CDH22: variants seen among roughly 807,000 people sequenced by gnomAD.
CDH22 encodes the protein cadherin-22.
Under a neutral mutation model 58.4 loss-of-function variants are expected in CDH22, and 30 were observed. The ratio of observed to expected loss-of-function variants is 0.51; its 90% CI spans 0.38 to 0.70. The LOEUF is 0.70. Ranked by LOEUF, CDH22 falls within the 30% of genes least tolerant of loss-of-function variation. CDH22 has a pLI of 0.00. For synonymous variants in CDH22, 513 were observed against 558.2 expected, an observed-to-expected ratio of 0.92 and a Z score of 1.14; for missense variants, 1,014 against 1,233.9, an observed-to-expected ratio of 0.82 and a Z score of 2.67.
chr20:46,237,607 C>A (rs2086262359), intron 3 of CDH22, among the ~76,000 whole-genome samples: 1 of 152,194 alleles, frequency 6.6e-6, no homozygotes, highest in African/African-American at 2.4e-5. Flanking sequence ...CTCCCTTCCC[C>A]CTCCTTGGTT....
intron 4 of CDH22, among the ~76,000 whole-genome samples, chr20:46,225,939 C>A (rs1019899610): frequency 2.6e-5 from 4 of 152,082 alleles, no homozygotes; most frequent in Non-Finnish European, 5.9e-5. Flanking sequence ...CCTTCTCCCC[C>A]AGACAAAGGA....
intron 1 of CDH22, among the ~76,000 whole-genome samples, chr20:46,297,013 G>A (rs2086631902): frequency 6.6e-6 from 1 of 152,122 alleles, no homozygotes; most frequent in Non-Finnish European, 1.5e-5. Context: ...GGGTCTTATG[G>A]TCCCAAATCC....
intron 2 of CDH22, among the ~76,000 whole-genome samples, chr20:46,245,858 C>T (rs117836551): frequency 1.2e-3 from 190 of 152,230 alleles, no homozygotes; most frequent in Non-Finnish European, 2.3e-3. Flanking sequence ...CTCTCCCCGT[C>T]GTGTAGATGG....
chr20:46,237,336 C>T (rs1600710945), intron 3 of CDH22, among the ~76,000 whole-genome samples: 1 of 152,180 alleles, frequency 6.6e-6, no homozygotes, highest in African/African-American at 2.4e-5. Context: ...CACTTCCCTT[C>T]CCTTTTAAGC....
At position 46,245,762 on chromosome 20, in the gene CDH22, G is replaced by A. The variant is rs187545984; in HGVS notation, c.256-4505C>T. Among the ~76,000 whole-genome samples, 5 of 152,278 alleles carry A rather than the reference G, an allele frequency of 3.3e-5. No homozygotes were observed. The East Asian group carries it at 5.8e-4, about 18-fold the overall frequency. On this transcript the variant is annotated intron_variant, in intron 2 of 11. Coordinates refer to ENST00000537909, the MANE Select transcript of CDH22 (RefSeq NM_021248.3). ...AAATCCCAGGTACAGATGGACAGTC[G>A]CTGGGAACCTGAAACACTCCAGGCA...
intron 4 of CDH22, among the ~76,000 whole-genome samples, chr20:46,223,820 TCC>T (rs1349159753): frequency 0.26 from 1,300 of 4,960 alleles, 25 homozygotes; most frequent in Admixed American, 0.35. Flanking sequence ...CTTCCTTTCT[TCC>T]TTCCTTCCTT....
intron 1 of CDH22, among the ~76,000 whole-genome samples, chr20:46,271,246 A>G (rs997583576): frequency 1.6e-4 from 24 of 152,298 alleles, no homozygotes; most frequent in Non-Finnish European, 3.1e-4. Context: ...AAACACATCC[A>G]TGTCCATCCT....
At chr20:46,243,405 G>A (rs1026488735) in intron 2 of CDH22, among the ~76,000 whole-genome samples, 9 of 152,218 alleles carry the variant, frequency 5.9e-5, no homozygotes, top group South Asian at 2.1e-4. Flanking sequence ...AAATGGAGGC[G>A]TCTGGTGGAA....
intron 3 of CDH22, among the ~76,000 whole-genome samples, chr20:46,239,194 G>T (rs1021797531): frequency 6.6e-6 from 1 of 152,232 alleles, no homozygotes; most frequent in African/African-American, 2.4e-5. Flanking sequence ...TTTCACTGCT[G>T]TGTTCCCAGG....
intron 7 of CDH22, among the ~76,000 whole-genome samples, chr20:46,201,657 A>G (rs2085962214): frequency 6.6e-6 from 1 of 152,192 alleles, no homozygotes; most frequent in Non-Finnish European, 1.5e-5. Context: ...CCTGGAGGTG[A>G]ATGCCTATGG....
chr20:46,295,016 A>G (rs1372832910), intron 1 of CDH22, among the ~76,000 whole-genome samples: 1 of 151,956 alleles, frequency 6.6e-6, no homozygotes, highest in Non-Finnish European at 1.5e-5. Context: ...ATTCTCCGAG[A>G]CCTCTTCCAC....
rs945467516 is a variant in CDH22 at position 46,191,772 on chromosome 20, T to C, written c.1424-4825A>G. Among the ~76,000 whole-genome samples the C allele has an allele frequency of 5.9e-5, 9 of 152,286 alleles. No individual in the cohort carries two copies. The East Asian group carries it at 7.7e-4, about 13-fold the overall frequency. Reference sequence around the variant, plus strand: ...TCTTGTCTTTAGCTGTCAGAATCCATCTTGCCTTCAAGGCCCTGAACAAAT... The same window carrying C: ...TCTTGTCTTTAGCTGTCAGAATCCACCTTGCCTTCAAGGCCCTGAACAAAT... On this transcript the variant is annotated intron_variant, in intron 8 of 11. Transcript: ENST00000537909.
chr20:46,284,116 G>A (rs2086563858), intron 1 of CDH22, among the ~76,000 whole-genome samples: 1 of 152,090 alleles, frequency 6.6e-6, no homozygotes. Flanking sequence ...ATAAGAAAAT[G>A]GATTTTGTAG....
At chr20:46,182,706 C>G (rs1158828297) in intron 10 of CDH22, among the ~76,000 whole-genome samples, 3 of 152,220 alleles carry the variant, frequency 2.0e-5, no homozygotes, top group Non-Finnish European at 4.4e-5. Flanking sequence ...GATCTGTGCC[C>G]AGCGCTGCAT....
chr20:46,297,394 C>T lies in CDH22; in HGVS notation c.-400+10861G>A, dbSNP rs146753847. On this transcript the variant is annotated intron_variant, in intron 1 of 11. Transcript: ENST00000537909. ...TAACAGGAGGTGCTCAGGGATGGAACGGGGGCTCAGGGATGGGATGGGTCT... is the reference window on the plus strand; with the variant it reads ...TAACAGGAGGTGCTCAGGGATGGAATGGGGGCTCAGGGATGGGATGGGTCT... Among the ~76,000 whole-genome samples the T allele has an allele frequency of 4.1e-3, 609 of 149,050 alleles. 6 individuals carry two copies. The highest frequency in any genetic ancestry group is 0.014 in the African/African-American group (574 of 40,306).
rs756709413 is a variant in CDH22, at chr20:46,186,938, G to T, written c.1433C>A (p.Ala478Glu). 1 of 1,594,740 alleles carries T rather than the reference G, an allele frequency of 6.3e-7. No individual in the cohort carries two copies. The highest frequency in any genetic ancestry group is 8.5e-7 in the Non-Finnish European group (1 of 1,170,958). The part of the protein sequence containing the change: ...TVLAMEADNH[A>E]QLSRASLRIR... ...CCTTAGGGATGCCCGGGATAGCTGTGCATGATTGTCTGTAATGAGAGCACA... is the reference window on the plus strand; with the variant it reads ...CCTTAGGGATGCCCGGGATAGCTGTTCATGATTGTCTGTAATGAGAGCACA... The change falls in exon 9 of 12, where the codon GCA becomes GAA. Residue 478 changes from alanine to glutamate, a missense_variant. This residue lies in a region of CDH22 where 806 missense variants were observed against 1,038.7 expected (regional missense o/e 0.78). Transcript: ENST00000537909.
In CDH22 at chr20:46,196,885, C is replaced by A. The variant is rs1052192693; in HGVS notation, c.1423+2538G>T. On this transcript the variant is annotated intron_variant, in intron 8 of 11. Coordinates refer to ENST00000537909, the MANE Select transcript of CDH22 (RefSeq NM_021248.3). The stretch of plus-strand genomic sequence containing the variant: ...CTTCCCATGAGCTATGCTGTTTGAT[C>A]CTCCCACCAGCTCTCTGAAGCAAAA... 3.0e-4 allele frequency among the ~76,000 whole-genome samples: 45 copies of A among 152,152 alleles called. 1 individual carries two copies.
rs551405556 is a variant in CDH22 at position 46,274,204 on chromosome 20, C to T, written c.-399-22511G>A. Among the ~76,000 whole-genome samples, 41 of 152,192 alleles carry T rather than the reference C, an allele frequency of 2.7e-4. 1 individual carries two copies. In the South Asian group the frequency reaches 7.9e-3, roughly 29 times the overall value. On this transcript the variant is annotated intron_variant, in intron 1 of 11. Transcript: ENST00000537909. ...ACTGGGAATTTTCATGCTTTGGCTG[C>T]GTGGAAGCTTTCTGGGGATTGGGCA...
intron 1 of CDH22, among the ~76,000 whole-genome samples, chr20:46,253,915 C>T (rs553673062): frequency 2.6e-5 from 4 of 152,270 alleles, no homozygotes; most frequent in African/African-American, 7.2e-5. Context: ...CCAGTGTTCA[C>T]GGGCACCAAG....
Sources: gnomAD v4.1 joint callset for allele counts (sites outside exome capture counted in the v4.1 genomes callset) on GRCh38, gnomAD v4.1.1 for gene constraint, gnomAD v4.1.1 regional missense constraint, MANE v1.5 for transcripts, NCBI Gene and HGNC (gene_info 2026-07-23, HGNC 2026-07-21) for gene names.